The following ST18 variants were observed in gnomAD, a reference collection of about 807,000 sequenced individuals.
The protein encoded by ST18 is ST18 C2H2C-type zinc finger transcription factor.
A neutral mutation model predicts 110.0 loss-of-function variants in ST18; 50 were observed. The observed-to-expected ratio is 0.45, with a 90% CI of 0.36 to 0.58. The LOEUF (loss-of-function observed/expected upper bound fraction) is 0.58. Ranked by LOEUF, ST18 falls within the 20% of genes least tolerant of loss-of-function variation. ST18 has a pLI of 0.00. For synonymous variants in ST18, 461 were observed against 452.4 expected (o/e 1.02, Z -0.24); for missense variants, 1,306 against 1,280.1 (o/e 1.02, Z -0.31).
intron 2 of ST18, among the ~76,000 whole-genome samples, chr8:52,234,334 G>A (rs970780256): frequency 5.3e-5 from 8 of 151,826 alleles, no homozygotes; most frequent in Admixed American, 2.0e-4. Flanking sequence ...GCTCAATCTC[G>A]GCTCACTGCA....
At chr8:52,230,948 T>C (rs574423268) in intron 2 of ST18, among the ~76,000 whole-genome samples, 1 of 152,184 alleles carries the variant, frequency 6.6e-6, no homozygotes, top group Non-Finnish European at 1.5e-5. Context: ...AAAGACTTCC[T>C]GAAAAACTCA....
In ST18 at chr8:52,172,265, G is replaced by A. The variant is rs2065230588; in HGVS notation, c.596C>T (p.Ala199Val). The A allele has an allele frequency of 1.2e-6, 2 of 1,614,176 alleles. No homozygotes were observed. Among genetic ancestry groups the A allele is most frequent in the Middle Eastern group, 1.6e-4 (1 of 6,062 alleles). The part of the protein sequence containing the change: ...SDDNESNSES[A>V]ENGWDSGSNF... ...GGAGCCACTGTCCCAGCCATTTTCT[G>A]CACTTTCAGAGTTACTTTCATTGTC... The change falls in exon 10 of 26, where the codon GCA (alanine) becomes GTA (valine). Residue 199 changes from alanine to valine, a missense_variant. By Grantham distance (64) the Ala-to-Val change is moderately conservative. Transcript: ENST00000689386.
intron 2 of ST18, among the ~76,000 whole-genome samples, chr8:52,383,691 C>T (rs1835477290): frequency 6.6e-6 from 1 of 152,152 alleles, no homozygotes; most frequent in Non-Finnish European, 1.5e-5. Flanking sequence ...TCGTGATCCA[C>T]CCGCCTTGGC....
At chr8:52,362,748 G>A (rs1826232574) in intron 2 of ST18, among the ~76,000 whole-genome samples, 2 of 152,084 alleles carry the variant, frequency 1.3e-5, no homozygotes, top group East Asian at 3.9e-4. Flanking sequence ...TAAGTATTTG[G>A]TAGATTTCTC....
chr8:52,111,199 A>G lies in ST18; in HGVS notation c.*1999T>C, dbSNP rs1392112360. The G allele has an allele frequency of 5.3e-6, 2 of 378,358 alleles. No individual in the cohort carries two copies. The highest frequency in any genetic ancestry group is 9.4e-6 in the Non-Finnish European group (2 of 213,312). 23.4% of individuals were successfully genotyped at this position (378,358 alleles called of 1,614,324 possible). On this transcript the variant is annotated 3_prime_UTR_variant, in exon 26 of 26. Transcript: ENST00000689386. ...TAATAAATATGTAGGTTGGTAAGAG[A>G]TTTCTTTTAAATTAAATAAAATATA... is the stretch of plus-strand genomic sequence containing the variant.
intron 15 of ST18, among the ~76,000 whole-genome samples, chr8:52,151,655 A>G (rs1048152761): frequency 5.3e-5 from 8 of 152,228 alleles, no homozygotes; most frequent in African/African-American, 1.9e-4. Flanking sequence ...CCAGGAGCGC[A>G]TCAAAACAAT....
chr8:52,324,553 A>G (rs1470485886), intron 2 of ST18, among the ~76,000 whole-genome samples: 1 of 152,176 alleles, frequency 6.6e-6, no homozygotes, highest in Non-Finnish European at 1.5e-5. Context: ...ATGCACGGCA[A>G]TGGGAACTAG....
At chr8:52,308,360 T>G (rs1035508656) in intron 2 of ST18, among the ~76,000 whole-genome samples, 2 of 152,234 alleles carry the variant, frequency 1.3e-5, no homozygotes, top group African/African-American at 4.8e-5. Context: ...CTCACTTAAT[T>G]TCCAAAATAA....
At chr8:52,137,556 C>T (rs562152965) in intron 17 of ST18, 73 bp from the exon 18 acceptor site, 149 of 1,491,386 alleles carry the variant, frequency 1.0e-4, no homozygotes, top group Middle Eastern at 5.1e-4. Flanking sequence ...CAGTAGATTA[C>T]GGAGGAGGTA....
chr8:52,182,694 A>G (rs912152712), intron 8 of ST18, among the ~76,000 whole-genome samples: 9 of 152,164 alleles, frequency 5.9e-5, no homozygotes, highest in Non-Finnish European at 1.2e-4. Flanking sequence ...AAGCAAGATG[A>G]ATTAGCTCTA....
At chr8:52,116,752 C>A (rs2042696137) in intron 24 of ST18, among the ~76,000 whole-genome samples, 1 of 152,180 alleles carries the variant, frequency 6.6e-6, no homozygotes. Flanking sequence ...TTCCAGTCAG[C>A]AGCAACTCAA....
chr8:52,329,162 T>G (rs1004782643), intron 2 of ST18, among the ~76,000 whole-genome samples: 1 of 152,102 alleles, frequency 6.6e-6, no homozygotes, highest in Admixed American at 6.6e-5. Flanking sequence ...TGTGTTTGTG[T>G]TTCTGCATCT....
intron 2 of ST18, among the ~76,000 whole-genome samples, chr8:52,235,422 C>T (rs1193852871): frequency 1.3e-5 from 2 of 152,158 alleles, no homozygotes; most frequent in African/African-American, 4.8e-5. Context: ...CTTCTCTCTG[C>T]TTCTCTTTCA....
intron 2 of ST18, among the ~76,000 whole-genome samples, chr8:52,338,339 T>G (rs1311758954): frequency 2.0e-5 from 3 of 152,082 alleles, no homozygotes; most frequent in Non-Finnish European, 4.4e-5. Context: ...ATTACAGGCA[T>G]GAGCCACCGT....
chr8:52,202,069 A>G (rs537186742), intron 8 of ST18, among the ~76,000 whole-genome samples: 1 of 152,334 alleles, frequency 6.6e-6, no homozygotes, highest in East Asian at 1.9e-4. Flanking sequence ...AGGGGCCAGA[A>G]CTAGATTGTT....
At chr8:52,191,666 C>A (rs1034320264) in intron 8 of ST18, among the ~76,000 whole-genome samples, 1 of 152,162 alleles carries the variant, frequency 6.6e-6, no homozygotes. Context: ...CAGCAGGTCA[C>A]AACTTAAGGG....
At chr8:52,220,337 G>T (rs2086159690) in intron 5 of ST18, among the ~76,000 whole-genome samples, 1 of 152,106 alleles carries the variant, frequency 6.6e-6, no homozygotes, top group African/African-American at 2.4e-5. Context: ...CACTCCAGAA[G>T]TCATCCACAG....
chr8:52,332,335 T>C (rs1809896662), intron 2 of ST18, among the ~76,000 whole-genome samples: 1 of 152,068 alleles, frequency 6.6e-6, no homozygotes, highest in East Asian at 1.9e-4. Flanking sequence ...AGAACTATGA[T>C]CACAACATTT....
At position 52,358,931 on chromosome 8, in the gene ST18, A is replaced by G. The variant is rs149924976; in HGVS notation, c.-465+50397T>C. Among the ~76,000 whole-genome samples the G allele has an allele frequency of 2.3e-4, 35 of 152,116 alleles. 2 individuals carry two copies. The East Asian group carries it at 6.8e-3, about 29-fold the overall frequency. On this transcript the variant is annotated intron_variant, in intron 2 of 25. Transcript: ENST00000689386. Reference sequence around the variant, plus strand: ...TCAGAAGAAAAAAACAAAAACCTATAGATCAATATCCCTTATGAATATACA... The same window carrying G: ...TCAGAAGAAAAAAACAAAAACCTATGGATCAATATCCCTTATGAATATACA...
Sources: allele counts gnomAD v4.1 joint callset (sites outside exome capture counted in the v4.1 genomes callset), GRCh38; gene constraint gnomAD v4.1.1; transcripts MANE v1.5; gene names NCBI Gene and HGNC (gene_info 2026-07-23, HGNC 2026-07-21).